The following DCAF7 variants were observed in gnomAD, a reference collection of about 807,000 sequenced individuals.
DCAF7 encodes DDB1- and CUL4-associated factor 7.
In DCAF7, 4 loss-of-function variants were observed where a neutral mutation model predicts 41.2. That is an observed-to-expected ratio of 0.10 (90% confidence interval 0.05 to 0.22). The LOEUF (loss-of-function observed/expected upper bound fraction) is 0.22. DCAF7 is among the 10% of genes least tolerant of loss of function. The probability of loss-of-function intolerance (pLI) is 1.00; values close to 1 mark genes in which losing one functional copy is unlikely to be tolerated. For synonymous variants in DCAF7, 143 were observed against 164.2 expected, an observed-to-expected ratio of 0.87 and a Z score of 0.99; for missense variants, 131 against 443.2, an observed-to-expected ratio of 0.30 and a Z score of 6.32.
intron 4 of DCAF7, among the ~76,000 whole-genome samples, chr17:63,581,378 A>G (rs578107749): frequency 6.6e-6 from 1 of 152,224 alleles, no homozygotes; most frequent in South Asian, 2.1e-4. Context: ...GAGAAGCCAC[A>G]TAGGTAGCAG....
intron 1 of DCAF7, among the ~76,000 whole-genome samples, chr17:63,576,713 A>G (rs1171319094): frequency 2.0e-5 from 3 of 152,158 alleles, no homozygotes; most frequent in East Asian, 3.9e-4. Flanking sequence ...CAGAAGTTCG[A>G]GGCCAGCCTG....
chr17:63,588,862 C>T, intron 6 of DCAF7, 138 bp from the exon 7 acceptor site: 1 of 933,512 alleles, frequency 1.1e-6, no homozygotes. Context: ...TCGATTTCCT[C>T]ATCGATAAAA....
chr17:63,578,758 A>G (rs753430895), intron 2 of DCAF7, 130 bp downstream of exon 2: 54 of 1,289,702 alleles, frequency 4.2e-5, no homozygotes, highest in Non-Finnish European at 5.2e-5. Flanking sequence ...AAGCAAGCGA[A>G]GCTTAAATGG....
At chr17:63,566,954 T>C (rs1221289833) in intron 1 of DCAF7, among the ~76,000 whole-genome samples, 2 of 149,176 alleles carry the variant, frequency 1.3e-5, no homozygotes, top group African/African-American at 4.8e-5. Context: ...GCAAGTCTAT[T>C]TAAGCTTTTT....
intron 1 of DCAF7, among the ~76,000 whole-genome samples, chr17:63,571,705 A>G (rs1254392381): frequency 2.0e-5 from 3 of 152,056 alleles, no homozygotes; most frequent in Non-Finnish European, 2.9e-5. Context: ...GAAAGCATTG[A>G]TAAGGTCAAG....
chr17:63,588,109 C>T (rs2033696324), intron 6 of DCAF7, among the ~76,000 whole-genome samples: 1 of 151,126 alleles, frequency 6.6e-6, no homozygotes, highest in African/African-American at 2.4e-5. Context: ...AATATATTTC[C>T]TTCTACTTAT....
rs151157691 is a variant in DCAF7 at position 63,592,065 on chromosome 17, G to A, written c.*2893G>A. On this transcript the variant is annotated 3_prime_UTR_variant, in exon 7 of 7. Transcript: ENST00000614556. ...CATTGGAATCCTCTTCTTCCAGGGA[G>A]GAATTAGCCTGCAAGGTTAGGACTT... 4 of 152,342 alleles carry A rather than the reference G, an allele frequency of 2.6e-5. No homozygotes were observed. The highest frequency in any genetic ancestry group is 9.6e-5 in the African/African-American group (4 of 41,556). 9.4% of individuals were successfully genotyped at this position (152,342 alleles called of 1,614,324 possible).
chr17:63,582,711 C>T (rs2033636853), intron 4 of DCAF7, among the ~76,000 whole-genome samples: 1 of 152,084 alleles, frequency 6.6e-6, no homozygotes, highest in Non-Finnish European at 1.5e-5. Context: ...CCTTGTGATC[C>T]GCCCGCCTCA....
At chr17:63,577,286 G>A (rs183632217) in intron 1 of DCAF7, among the ~76,000 whole-genome samples, 88 of 152,282 alleles carry the variant, frequency 5.8e-4, no homozygotes, top group African/African-American at 2.1e-3. Context: ...CTAACTTTGG[G>A]GGGAAAATGT....
chr17:63,585,757 C>T (rs574583293), intron 6 of DCAF7, among the ~76,000 whole-genome samples: 2 of 152,090 alleles, frequency 1.3e-5, no homozygotes, highest in Non-Finnish European at 2.9e-5. Flanking sequence ...ATCGGAGGGC[C>T]CCACAGAACT....
chr17:63,585,730 C>T (rs1376385904), intron 6 of DCAF7, among the ~76,000 whole-genome samples: 3 of 152,202 alleles, frequency 2.0e-5, no homozygotes, highest in African/African-American at 4.8e-5. Flanking sequence ...AACAAACCCA[C>T]AGTGTGCTCT....
rs778205012 is a variant in DCAF7, at chr17:63,550,831, G to C, written c.138+16G>C. 6.2e-7 allele frequency: 1 copy of C among 1,611,172 alleles called. No individual in the cohort carries two copies. The highest frequency in any genetic ancestry group is 8.5e-7 in the Non-Finnish European group (1 of 1,178,502). ...CAACAACAAGGTGGGCCGGGCAGGG[G>C]CTCGGAACCCAGCTGGCGGGGAGCG... On this transcript the variant is annotated intron_variant, in intron 1 of 6. Transcript: ENST00000614556. This position sits in a 1 kb window ranked among gnomAD's most constrained non-coding sequence, Gnocchi z 4.8.
At chr17:63,563,841 AT>A in intron 1 of DCAF7, among the ~76,000 whole-genome samples, 1 of 151,242 alleles carries the variant, frequency 6.6e-6, no homozygotes, top group African/African-American at 2.4e-5. Flanking sequence ...AAATAAATAA[AT>A]AAATAATAAA....
At chr17:63,568,956 G>A (rs1423441738) in intron 1 of DCAF7, among the ~76,000 whole-genome samples, 1 of 152,204 alleles carries the variant, frequency 6.6e-6, no homozygotes, top group Non-Finnish European at 1.5e-5. Context: ...AATTCCAAAT[G>A]CTTAGGAGTG....
At chr17:63,585,119 T>C in intron 5 of DCAF7, 92 bp from the exon 6 acceptor site, 1 of 992,356 alleles carries the variant, frequency 1.0e-6, no homozygotes, top group Non-Finnish European at 1.5e-6. Context: ...TGAAAAATTA[T>C]GCCTAAAAAG....
At chr17:63,583,798 G>T in intron 5 of DCAF7, 87 bp downstream of exon 5, 2 of 1,367,144 alleles carry the variant, frequency 1.5e-6, no homozygotes, top group East Asian at 2.4e-5. Flanking sequence ...AACTGGAGCA[G>T]TTTGGCTCCC....
At chr17:63,586,507 T>G (rs2033678238) in intron 6 of DCAF7, among the ~76,000 whole-genome samples, 1 of 152,120 alleles carries the variant, frequency 6.6e-6, no homozygotes, top group Non-Finnish European at 1.5e-5. Flanking sequence ...GGCTCACATC[T>G]GTAATACCAG....
At chr17:63,588,868 T>A (rs2033705177) in intron 6 of DCAF7, 132 bp from the exon 7 acceptor site, 2 of 991,410 alleles carry the variant, frequency 2.0e-6, no homozygotes, top group South Asian at 3.6e-5. Flanking sequence ...TCCTCATCGA[T>A]AAAATGGGGG....
chr17:63,550,770 CTTT>C lies in DCAF7; in HGVS notation c.94_96del (p.Phe32del). On this transcript the variant is annotated inframe_deletion, in exon 1 of 7. Coordinates refer to ENST00000614556, the MANE Select transcript of DCAF7 (RefSeq NM_005828.5). The surrounding 1 kb of genome is among the most constrained non-coding windows in gnomAD (Gnocchi z 4.8). The stretch of plus-strand genomic sequence containing the variant: ...ACTGGAGTGTGCGGCCCGATAAGCG[CTTT>C]CGCTTGGCGCTGGGCAGCTTCGTGG... 6.2e-7 allele frequency: 1 copy of C among 1,613,914 alleles called. No homozygotes were observed. The highest frequency in any genetic ancestry group is 8.5e-7 in the Non-Finnish European group (1 of 1,179,834).
Sources: allele counts gnomAD v4.1 joint callset (sites outside exome capture counted in the v4.1 genomes callset), GRCh38; gene constraint gnomAD v4.1.1; non-coding constraint Gnocchi (gnomAD v3.1); transcripts MANE v1.5; gene names NCBI Gene and HGNC (gene_info 2026-07-23, HGNC 2026-07-21).